ONECUT2: variants seen among roughly 807,000 people sequenced by gnomAD.
The protein encoded by ONECUT2 is one cut homeobox 2, also known as one cut domain family member 2.
In ONECUT2, 10 loss-of-function variants were observed where a neutral mutation model predicts 27.9. The ratio of observed to expected loss-of-function variants is 0.36; its 90% CI spans 0.22 to 0.61. The LOEUF is 0.61. Among genes scored for constraint, ONECUT2 ranks in the 20% least tolerant of loss-of-function variants. The pLI, the probability that ONECUT2 is intolerant of heterozygous loss-of-function variation, is 0.73. For synonymous variants in ONECUT2, 334 were observed against 315.1 expected (o/e 1.06, Z -0.64); for missense variants, 686 against 721.0 (o/e 0.95, Z 0.56).
At chr18:57,471,593 G>C (rs970232026) in intron 1 of ONECUT2, among the ~76,000 whole-genome samples, 2 of 152,150 alleles carry the variant, frequency 1.3e-5, no homozygotes, top group Non-Finnish European at 2.9e-5. Context: ...TGGGAACCCA[G>C]TGTTTTGAAA....
intron 1 of ONECUT2, among the ~76,000 whole-genome samples, chr18:57,448,649 G>T (rs138985187): frequency 4.4e-4 from 67 of 152,290 alleles, no homozygotes; most frequent in African/African-American, 1.6e-3. Context: ...GTAAAACATG[G>T]ATTTGGCAAC....
intron 1 of ONECUT2, among the ~76,000 whole-genome samples, chr18:57,444,987 A>T (rs1217244069): frequency 6.6e-6 from 1 of 152,204 alleles, no homozygotes; most frequent in Non-Finnish European, 1.5e-5. Flanking sequence ...CTAAAATGAC[A>T]TGCAGGGATA....
intron 1 of ONECUT2, among the ~76,000 whole-genome samples, chr18:57,444,129 G>C (rs1158161385): frequency 1.3e-5 from 2 of 152,190 alleles, no homozygotes; most frequent in Non-Finnish European, 2.9e-5. Flanking sequence ...GGTTTGCTTT[G>C]TCATACTAAG....
In ONECUT2 at chr18:57,486,759, G is replaced by A. The variant is rs1032979438; in HGVS notation, c.*10036G>A. On this transcript the variant is annotated 3_prime_UTR_variant, in exon 2 of 2. Coordinates refer to ENST00000491143, the MANE Select transcript of ONECUT2 (RefSeq NM_004852.3). Reference sequence around the variant, plus strand: ...GGGAAAGTTGCAGAATGAGCCCAAAGTTTACAGTTTCATATTTTGCTGAAG... The same window carrying A: ...GGGAAAGTTGCAGAATGAGCCCAAAATTTACAGTTTCATATTTTGCTGAAG... 6.6e-6 allele frequency: 1 copy of A among 152,568 alleles called. No homozygotes were observed. The highest frequency in any genetic ancestry group is 1.5e-5 in the Non-Finnish European group (1 of 68,016). The allele number at this position is 152,568 out of a possible 1,614,324, so 9.5% of individuals were successfully genotyped here. A position where few individuals can be genotyped will look rare whatever the true frequency, so the allele number is the denominator to read the frequency against.
At chr18:57,464,884 T>A (rs2050312094) in intron 1 of ONECUT2, among the ~76,000 whole-genome samples, 1 of 152,232 alleles carries the variant, frequency 6.6e-6, no homozygotes, top group African/African-American at 2.4e-5. Context: ...ATTAAATTCT[T>A]AGTAAGCTAG....
At position 57,436,131 on chromosome 18, in the gene ONECUT2, C is replaced by T. The variant is rs1176100500; in HGVS notation, c.415C>T (p.Pro139Ser). 1.9e-6 allele frequency: 3 copies of T among 1,603,268 alleles called. No homozygotes were observed. The highest frequency in any genetic ancestry group is 2.5e-6 in the Non-Finnish European group (3 of 1,179,916). ...HAMSMSCDSS[P>S]PGMGMSNTYT... The stretch of plus-strand genomic sequence containing the variant: ...CATGAGCATGTCCTGCGACTCGTCT[C>T]CGCCTGGCATGGGCATGAGCAACAC... The change falls in exon 1 of 2, where the codon CCG (proline) becomes TCG (serine). Residue 139 changes from proline (P) to serine (S), a missense_variant. Around this residue, in one of 4 missense-constraint regions of ONECUT2, gnomAD observed 511 missense variants for 488.1 expected, o/e 1.05. Transcript: ENST00000491143. This position sits in a 1 kb window ranked among gnomAD's most constrained non-coding sequence, Gnocchi z 5.9.
At chr18:57,465,602 G>A (rs995249480) in intron 1 of ONECUT2, among the ~76,000 whole-genome samples, 1 of 152,140 alleles carries the variant, frequency 6.6e-6, no homozygotes, top group African/African-American at 2.4e-5. Context: ...TCTCTAAAAT[G>A]TTCTTTAAGT....
rs2050428923 is a variant in ONECUT2, at chr18:57,484,260, C to T, written c.*7537C>T. 1 of 152,380 alleles carries T rather than the reference C, an allele frequency of 6.6e-6. No homozygotes were observed. Among genetic ancestry groups the T allele is most frequent in the Non-Finnish European group, 1.5e-5 (1 of 67,996 alleles). The allele number at this position is 152,380 out of a possible 1,614,324, so 9.4% of individuals were successfully genotyped here. ...TCTAGTGAGAACCAAAGAAGGCTAC[C>T]TCACTGACTTTTTCCATTTGTAATT... On this transcript the variant is annotated 3_prime_UTR_variant, in exon 2 of 2. Transcript: ENST00000491143.
intron 1 of ONECUT2, among the ~76,000 whole-genome samples, chr18:57,469,737 C>G (rs564885): frequency 0.11 from 16,494 of 152,290 alleles, 944 homozygotes; most frequent in Middle Eastern, 0.21. Flanking sequence ...TCCTTACACA[C>G]CTTCTTTCTG....
rs1358976712 is a variant in ONECUT2, at chr18:57,477,318, A to G, written c.*595A>G. The G allele has an allele frequency of 2.3e-5, 2 of 88,040 alleles. No individual in the cohort carries two copies. Among genetic ancestry groups the G allele is most frequent in the Non-Finnish European group, 2.4e-5 (1 of 42,480 alleles). The allele number at this position is 88,040 out of a possible 1,614,324, so 5.5% of individuals were successfully genotyped here. A position where few individuals can be genotyped will look rare whatever the true frequency, so the allele number is the denominator to read the frequency against. ...AGCACAAGTTTTAAATATGGACGTT[A>G]AAAAAAAAAATCCAAGGACCTGTTT... On this transcript the variant is annotated 3_prime_UTR_variant, in exon 2 of 2. Coordinates refer to ENST00000491143, the MANE Select transcript of ONECUT2 (RefSeq NM_004852.3).
At chr18:57,449,493 C>T (rs868695325) in intron 1 of ONECUT2, among the ~76,000 whole-genome samples, 2 of 152,124 alleles carry the variant, frequency 1.3e-5, no homozygotes, top group Admixed American at 6.5e-5. Flanking sequence ...TCCCAAATTA[C>T]GATATTATAA....
At chr18:57,438,596 A>G (rs1199857324) in intron 1 of ONECUT2, among the ~76,000 whole-genome samples, 2 of 152,120 alleles carry the variant, frequency 1.3e-5, no homozygotes, top group East Asian at 3.9e-4. Flanking sequence ...CTTTGACAGC[A>G]TTTTCCTTTG....
rs1661579497 is a variant in ONECUT2, at chr18:57,480,575, TTAA to T, written c.*3853_*3855del. The T allele has an allele frequency of 1.1e-5, 1 of 92,874 alleles. No homozygotes were observed. Among genetic ancestry groups the T allele is most frequent in the South Asian group, 3.6e-4 (1 of 2,808 alleles). 5.8% of individuals were successfully genotyped at this position (92,874 alleles called of 1,614,324 possible). ...AATCAGAAGAACATGTCATAATTGT[TTAA>T]AAAAAAAAAAAAGGCAAGAATTTCT... On this transcript the variant is annotated 3_prime_UTR_variant, in exon 2 of 2. Coordinates refer to ENST00000491143, the MANE Select transcript of ONECUT2 (RefSeq NM_004852.3).
Position 57,489,428 on chromosome 18 carries a change from G to A in ONECUT2, c.*12705G>A, listed in dbSNP as rs2050453858. ...GGCAGTGCACATTGCCTATGCTGTT[G>A]ATCTGTCTTGGGCGACAGGCTGAAT... On this transcript the variant is annotated 3_prime_UTR_variant, in exon 2 of 2. Transcript: ENST00000491143. The A allele has an allele frequency of 1.3e-5, 2 of 152,160 alleles. No individual in the cohort carries two copies. The highest frequency in any genetic ancestry group is 4.8e-5 in the African/African-American group (2 of 41,430). The allele number at this position is 152,160 out of a possible 1,614,324, so 9.4% of individuals were successfully genotyped here. A position where few individuals can be genotyped will look rare whatever the true frequency, so the allele number is the denominator to read the frequency against.
Position 57,436,551 on chromosome 18 carries a change from C to T in ONECUT2, c.835C>T (p.Arg279Cys), listed in dbSNP as rs1320317607. 1.2e-6 allele frequency: 2 copies of T among 1,611,794 alleles called. No homozygotes were observed. Among genetic ancestry groups the T allele is most frequent in the Non-Finnish European group, 1.7e-6 (2 of 1,179,888 alleles). ...MLTRGEQHLSRGLGTPPAAMM... is the reference protein window; with the variant it reads ...MLTRGEQHLSCGLGTPPAAMM... Reference sequence around the variant, plus strand: ...GACCCGCGGTGAGCAACACCTGTCCCGCGGCCTGGGCACCCCACCTGCGGC... The same window carrying T: ...GACCCGCGGTGAGCAACACCTGTCCTGCGGCCTGGGCACCCCACCTGCGGC... Residue 279 changes from arginine (R) to cysteine (C), a missense_variant, in exon 1 of 2, where the codon CGC (arginine) becomes TGC (cysteine). Physicochemically the swap from Arg to Cys is radical, Grantham distance 180. Around this residue, in one of 4 missense-constraint regions of ONECUT2, gnomAD observed 511 missense variants for 488.1 expected, o/e 1.05. Coordinates refer to ENST00000491143, the MANE Select transcript of ONECUT2 (RefSeq NM_004852.3). This position sits in a 1 kb window ranked among gnomAD's most constrained non-coding sequence, Gnocchi z 5.9.
rs147991757 is a variant in ONECUT2 at position 57,452,573 on chromosome 18, C to T, written c.1228+15629C>T. ...CCAAGTAGGTGGGATTACAGGTGCCCACCACTATGCCCAGCTAATTTTCAT... is the reference window on the plus strand; with the variant it reads ...CCAAGTAGGTGGGATTACAGGTGCCTACCACTATGCCCAGCTAATTTTCAT... On this transcript the variant is annotated intron_variant, in intron 1 of 1. Coordinates refer to ENST00000491143, the MANE Select transcript of ONECUT2 (RefSeq NM_004852.3). Among the ~76,000 whole-genome samples the T allele has an allele frequency of 8.1e-4, 124 of 152,176 alleles. No homozygotes were observed. The East Asian group carries it at 0.01, about 12-fold the overall frequency.
At position 57,436,384 on chromosome 18, in the gene ONECUT2, G is replaced by T; in HGVS notation, c.668G>T (p.Ser223Ile). ...AAGGAGATGCCCGGCATGAGCCAGA[G>T]CCTGTCCCCGCTGGCCGCCACGCCG... ...PYKEMPGMSQ[S>I]LSPLAATPLG... The change falls in exon 1 of 2, where the codon AGC becomes ATC. Residue 223 changes from serine to isoleucine, a missense_variant. Around this residue, in one of 4 missense-constraint regions of ONECUT2, gnomAD observed 511 missense variants for 488.1 expected, o/e 1.05. Transcript: ENST00000491143. The surrounding 1 kb of genome is among the most constrained non-coding windows in gnomAD (Gnocchi z 5.9). The T allele has an allele frequency of 6.2e-7, 1 of 1,609,078 alleles. No homozygotes were observed. Among genetic ancestry groups the T allele is most frequent in the Non-Finnish European group, 8.5e-7 (1 of 1,179,798 alleles).
intron 1 of ONECUT2, among the ~76,000 whole-genome samples, chr18:57,472,178 G>T (rs2050357765): frequency 6.6e-6 from 1 of 152,200 alleles, no homozygotes; most frequent in African/African-American, 2.4e-5. Context: ...GCATCCTTGG[G>T]TTGGAGGGAG....
At chr18:57,462,640 C>T (rs1313684172) in intron 1 of ONECUT2, among the ~76,000 whole-genome samples, 1 of 151,248 alleles carries the variant, frequency 6.6e-6, no homozygotes, top group African/African-American at 2.4e-5. Context: ...CAATATATAA[C>T]TATTTCTCTT....
Sources: allele counts gnomAD v4.1 joint callset (sites outside exome capture counted in the v4.1 genomes callset), GRCh38; gene constraint gnomAD v4.1.1; regional missense constraint gnomAD v4.1.1; non-coding constraint Gnocchi (gnomAD v3.1); transcripts MANE v1.5; gene names NCBI Gene and HGNC (gene_info 2026-07-23, HGNC 2026-07-21).